DAGLB: variants seen among roughly 807,000 people sequenced by gnomAD.
DAGLB encodes the protein diacylglycerol lipase beta, also known as diacylglycerol lipase-beta.
In DAGLB, 66 loss-of-function variants were observed where a neutral mutation model predicts 72.1. The observed-to-expected ratio is 0.92, with a 90% CI of 0.75 to 1.12. The LOEUF is 1.12. Ranked by LOEUF, DAGLB falls within the 50% of genes most tolerant of loss-of-function variation. DAGLB has a pLI of 0.00. For synonymous variants in DAGLB, 414 were observed against 359.5 expected, an observed-to-expected ratio of 1.15 and a Z score of -1.71; for missense variants, 1,065 against 884.9, an observed-to-expected ratio of 1.20 and a Z score of -2.58.
intron 9 of DAGLB, among the ~76,000 whole-genome samples, chr7:6,418,639 A>C (rs1783997602): frequency 6.6e-6 from 1 of 150,746 alleles, no homozygotes; most frequent in Admixed American, 6.6e-5. Flanking sequence ...GTTTTTGATC[A>C]TCTCTAATCC....
Position 6,434,918 on chromosome 7 carries a change from A to C in DAGLB, c.522T>G (p.Asp174Glu), listed in dbSNP as rs774118867. ...TAAGTAACTGGCTTGAATCATGACT[A>C]TCCAGGTGGCTGGGGCCGGCAGAGG... ...PYSSAGPSHL[D>E]SHDSSQLLNG... The change falls in exon 4 of 15, where the codon GAT (aspartate) becomes GAG (glutamate). Residue 174 changes from aspartate to glutamate, a missense_variant. By Grantham distance (45) the Asp-to-Glu change is conservative (BLOSUM62 2). Coordinates refer to ENST00000297056, the MANE Select transcript of DAGLB (RefSeq NM_139179.4). The C allele has an allele frequency of 3.1e-6, 5 of 1,614,114 alleles. No individual in the cohort carries two copies. Among genetic ancestry groups the C allele is most frequent in the Non-Finnish European group, 3.4e-6 (4 of 1,180,034 alleles).
At position 6,409,719 on chromosome 7, in the gene DAGLB, C is replaced by G; in HGVS notation, c.*118G>C. ...GAGACCATGGAATTCTGTTCCCATCCGATTCCTGTTGATGGACATTCGCTG... is the reference window on the plus strand; with the variant it reads ...GAGACCATGGAATTCTGTTCCCATCGGATTCCTGTTGATGGACATTCGCTG... On this transcript the variant is annotated 3_prime_UTR_variant, in exon 15 of 15. Transcript: ENST00000297056. 1.7e-6 allele frequency: 2 copies of G among 1,168,500 alleles called. No homozygotes were observed. The highest frequency in any genetic ancestry group is 5.2e-5 in the Admixed American group (2 of 38,240). 72.4% of individuals were successfully genotyped at this position (1,168,500 alleles called of 1,614,324 possible). A position where few individuals can be genotyped will look rare whatever the true frequency, so the allele number is the denominator to read the frequency against.
intron 5 of DAGLB, among the ~76,000 whole-genome samples, chr7:6,431,102 C>G (rs1784474929): frequency 6.6e-6 from 1 of 151,844 alleles, no homozygotes; most frequent in Non-Finnish European, 1.5e-5. Flanking sequence ...AGGAACACAG[C>G]AAGCACGGGG....
chr7:6,413,346 G>A (rs1783797361), intron 11 of DAGLB, among the ~76,000 whole-genome samples: 1 of 152,174 alleles, frequency 6.6e-6, no homozygotes, highest in African/African-American at 2.4e-5. Context: ...AAGATGCACT[G>A]GAGGCCGGGT....
chr7:6,440,186 A>T (rs1784785743), intron 2 of DAGLB, among the ~76,000 whole-genome samples: 1 of 151,706 alleles, frequency 6.6e-6, no homozygotes, highest in Admixed American at 6.6e-5. Flanking sequence ...GGAGTTCAAG[A>T]CCAGCCTGAC....
chr7:6,441,386 C>T lies in DAGLB; in HGVS notation c.247+4567G>A, dbSNP rs561005573. 5.9e-3 allele frequency among the ~76,000 whole-genome samples: 815 copies of T among 137,006 alleles called. 3 individuals carry two copies. Among genetic ancestry groups the T allele is most frequent in the Non-Finnish European group, 8.5e-3 (541 of 63,370 alleles). The allele number at this position is 137,006 out of a possible 152,430, so 89.9% of individuals were successfully genotyped here. A position where few individuals can be genotyped will look rare whatever the true frequency, so the allele number is the denominator to read the frequency against. On this transcript the variant is annotated intron_variant, in intron 2 of 14. Transcript: ENST00000297056. ...GATTACAGGCGTGAGCCACCGCGCC[C>T]GGCCACAAACTGACAATTAAACAAA...
At chr7:6,410,455 G>A (rs1056584510) in intron 13 of DAGLB, 75 bp from the exon 14 acceptor site, 11 of 1,523,166 alleles carry the variant, frequency 7.2e-6, no homozygotes, top group African/African-American at 2.8e-5. Flanking sequence ...ACACCAAGGC[G>A]GACCAGGCAC....
intron 11 of DAGLB, among the ~76,000 whole-genome samples, chr7:6,413,334 C>G (rs1156928796): frequency 6.6e-6 from 1 of 152,154 alleles, no homozygotes; most frequent in Non-Finnish European, 1.5e-5. Context: ...AAGACTCCAT[C>G]AAAGATGCAC....
intron 9 of DAGLB, among the ~76,000 whole-genome samples, chr7:6,419,305 C>T (rs1021074113): frequency 2.6e-5 from 4 of 151,610 alleles, no homozygotes; most frequent in African/African-American, 9.8e-5. Context: ...CCTGACAGCA[C>T]TTCTTAACAA....
At chr7:6,430,265 A>ATATATATATATATATC (rs2115272832) in intron 6 of DAGLB, among the ~76,000 whole-genome samples, 1 of 108,222 alleles carries the variant, frequency 9.2e-6, no homozygotes, top group South Asian at 4.0e-4. Flanking sequence ...ATATATATAT[A>ATATATATATATATATC]TATATATATA....
intron 6 of DAGLB, among the ~76,000 whole-genome samples, chr7:6,428,199 A>G (rs955753839): frequency 2.6e-5 from 4 of 151,388 alleles, no homozygotes; most frequent in South Asian, 2.1e-4. Flanking sequence ...ACAAAAAACT[A>G]GCCGAGTATG....
At chr7:6,433,949 C>G (rs1369026123) in intron 4 of DAGLB, among the ~76,000 whole-genome samples, 2 of 152,070 alleles carry the variant, frequency 1.3e-5, no homozygotes, top group Non-Finnish European at 2.9e-5. Context: ...AAATAACCAG[C>G]TTCTCTTCTT....
At position 6,432,890 on chromosome 7, in the gene DAGLB, T is replaced by C. The variant is rs924849387; in HGVS notation, c.748A>G (p.Arg250Gly). The C allele has an allele frequency of 4.3e-6, 7 of 1,613,808 alleles. No individual in the cohort carries two copies. Among genetic ancestry groups the C allele is most frequent in the Non-Finnish European group, 5.9e-6 (7 of 1,180,024 alleles). The change falls in exon 5 of 15, where the codon AGG becomes GGG. Residue 250 changes from arginine to glycine, a missense_variant. Transcript: ENST00000297056. The part of the protein sequence containing the change: ...ALLHQQQDNI[R>G]NNQEPAQVVC... ...ACCTGGGCAGGCTCTTGGTTGTTCC[T>C]GATATTGTCCTGTTGCTGATGAAGC...
In DAGLB at chr7:6,435,518, G is replaced by A. The variant is rs10273790; in HGVS notation, c.420-498C>T. 1,279 of 160,160 alleles carry A rather than the reference G, an allele frequency of 8.0e-3. 24 individuals carry two copies. The highest frequency in any genetic ancestry group is 0.03 in the African/African-American group (1,226 of 41,482). 9.9% of individuals were successfully genotyped at this position (160,160 alleles called of 1,614,324 possible). ...AAAAAAAAAAGTTCCTTATGAATCA[G>A]TGGTTAACCCAGGCCCTGCCCTAAC... On this transcript the variant is annotated intron_variant, in intron 3 of 14. Coordinates refer to ENST00000297056, the MANE Select transcript of DAGLB (RefSeq NM_139179.4).
At position 6,410,301 on chromosome 7, in the gene DAGLB, C is replaced by G. The variant is rs747008150; in HGVS notation, c.1649G>C (p.Gly550Ala). 42 of 1,613,864 alleles carry G rather than the reference C, an allele frequency of 2.6e-5. No homozygotes were observed. Among genetic ancestry groups the G allele is most frequent in the Non-Finnish European group, 3.5e-5 (41 of 1,179,948 alleles). The change falls in exon 14 of 15, where the codon GGC becomes GCC. Residue 550 changes from glycine to alanine, a missense_variant. Transcript: ENST00000297056. Reference protein sequence around the residue: ...PNNLPTELDGGDQEVLTQPLL... With the variant: ...PNNLPTELDGADQEVLTQPLL... ...AGGCTGTGTCAGGACTTCCTGGTCG[C>G]CCCCGTCCAGCTCCGTGGGCAAGTT...
chr7:6,418,461 A>G (rs1562480098), intron 9 of DAGLB, among the ~76,000 whole-genome samples: 1 of 152,178 alleles, frequency 6.6e-6, no homozygotes, highest in Non-Finnish European at 1.5e-5. Flanking sequence ...TTAAAAAAGA[A>G]AAGCAGTGCC....
chr7:6,415,929 T>A (rs377258708), intron 11 of DAGLB, among the ~76,000 whole-genome samples: 3 of 151,872 alleles, frequency 2.0e-5, no homozygotes, highest in African/African-American at 7.3e-5. Context: ...CCAGGGCATA[T>A]GCCCCCCGAG....
At position 6,419,428 on chromosome 7, in the gene DAGLB, C is replaced by T. The variant is rs370985743; in HGVS notation, c.1218+2299G>A. ...GCTGGGCAGGCAGAGCCCAGCAGGA[C>T]GTGGACTAAGCTGCTGCTGGCGAGC... is the stretch of plus-strand genomic sequence containing the variant. On this transcript the variant is annotated intron_variant, in intron 9 of 14. Coordinates refer to ENST00000297056, the MANE Select transcript of DAGLB (RefSeq NM_139179.4). Among the ~76,000 whole-genome samples the T allele has an allele frequency of 2.4e-4, 36 of 152,308 alleles. No homozygotes were observed. In the East Asian group the frequency reaches 4.2e-3, roughly 18 times the overall value.
intron 9 of DAGLB, among the ~76,000 whole-genome samples, chr7:6,418,147 G>C (rs1783979743): frequency 6.6e-6 from 1 of 152,118 alleles, no homozygotes; most frequent in African/African-American, 2.4e-5. Flanking sequence ...GGGATTACAG[G>C]TGTGAGCCAC....
Sources: gnomAD v4.1 joint callset for allele counts (sites outside exome capture counted in the v4.1 genomes callset) on GRCh38, gnomAD v4.1.1 for gene constraint, MANE v1.5 for transcripts, NCBI Gene and HGNC (gene_info 2026-07-23, HGNC 2026-07-21) for gene names.